Variants in LCP1 observed in about 807,000 individuals in gnomAD.
LCP1 encodes plastin-2.
Under a neutral mutation model 72.0 loss-of-function variants are expected in LCP1, and 23 were observed. That is an observed-to-expected ratio of 0.32 (90% CI 0.23 to 0.45). LCP1 has a LOEUF of 0.45. Ranked by LOEUF, LCP1 falls within the 20% of genes least tolerant of loss-of-function variation. The probability of loss-of-function intolerance (pLI) is 1.00; values close to 1 mark genes in which losing one functional copy is unlikely to be tolerated. For missense variants in LCP1, 571 were observed against 748.3 expected (o/e 0.76, Z 2.76); for synonymous variants, 245 against 275.4 (o/e 0.89, Z 1.09).
At chr13:46,157,859 G>C (rs181887487) in intron 4 of LCP1, among the ~76,000 whole-genome samples, 1 of 145,712 alleles carries the variant, frequency 6.9e-6, no homozygotes, top group East Asian at 2.1e-4. Context: ...CGATTCTCCT[G>C]TCTCAGCTTC....
At chr13:46,145,255 T>C (rs548942273) in intron 10 of LCP1, among the ~76,000 whole-genome samples, 1 of 152,156 alleles carries the variant, frequency 6.6e-6, no homozygotes, top group African/African-American at 2.4e-5. Flanking sequence ...GGCAGAGATA[T>C]AATAAAATCA....
chr13:46,143,293 C>A lies in LCP1; in HGVS notation c.1365G>T (p.Lys455Asn). The change falls in exon 12 of 16, where the codon AAG becomes AAT. Residue 455 changes from lysine to asparagine, a missense_variant. By Grantham distance (94) the Lys-to-Asn change is moderately conservative. Coordinates refer to ENST00000323076, the MANE Select transcript of LCP1 (RefSeq NM_002298.5). ...CAACAGAACCATCATTGTTTACCTT[C>A]TTCATATTGCCTCCCAGTTTGGGGT... Reference protein sequence around the residue: ...PPYPKLGGNMKKLENCNYAVE... With the variant: ...PPYPKLGGNMNKLENCNYAVE... The A allele has an allele frequency of 6.2e-7, 1 of 1,607,334 alleles. No individual in the cohort carries two copies. The highest frequency in any genetic ancestry group is 8.5e-7 in the Non-Finnish European group (1 of 1,173,888).
At chr13:46,142,254 T>C (rs770703249) in intron 13 of LCP1, 38 bp downstream of exon 13, 1 of 1,592,956 alleles carries the variant, frequency 6.3e-7, no homozygotes, top group Admixed American at 1.7e-5. Context: ...AAGTAAATAA[T>C]GTATTCAAGA....
chr13:46,179,008 G>A (rs2045944708), intron 1 of LCP1, among the ~76,000 whole-genome samples: 1 of 152,306 alleles, frequency 6.6e-6, no homozygotes, highest in South Asian at 2.1e-4. Flanking sequence ...ATAATCCAAA[G>A]TGACTAAGTA....
At chr13:46,165,460 G>C (rs898099897) in intron 1 of LCP1, among the ~76,000 whole-genome samples, 1 of 152,084 alleles carries the variant, frequency 6.6e-6, no homozygotes, top group Admixed American at 6.5e-5. Context: ...AGATTAATAA[G>C]TAATATAAGT....
intron 8 of LCP1, among the ~76,000 whole-genome samples, chr13:46,150,594 C>A (rs1248531044): frequency 2.6e-5 from 4 of 152,192 alleles, no homozygotes; most frequent in Non-Finnish European, 1.5e-5. Flanking sequence ...CCATCTGCTG[C>A]TCCCATTTAT....
intron 6 of LCP1, 60 bp downstream of exon 6, chr13:46,154,745 G>A: frequency 1.4e-6 from 2 of 1,414,076 alleles, no homozygotes; most frequent in Non-Finnish European, 1.0e-6. Context: ...GGACTCAGCA[G>A]TTATGATGCT....
intron 11 of LCP1, 145 bp from the exon 12 acceptor site, chr13:46,143,549 G>A: frequency 3.4e-6 from 2 of 582,060 alleles, no homozygotes; most frequent in Non-Finnish European, 6.1e-6. Flanking sequence ...ATCTATAGAG[G>A]TGAAGAAACC....
At position 46,137,224 on chromosome 13, in the gene LCP1, A is replaced by AC. The variant is rs1555314342; in HGVS notation, c.1503-2975dup. The stretch of plus-strand genomic sequence containing the variant: ...AGTAAAACGATAAAAAAAAAAAAAA[A>AC]CACAAAGAGAAGAAAGAATAGAATT... On this transcript the variant is annotated intron_variant, in intron 13 of 15. Transcript: ENST00000323076. Among the ~76,000 whole-genome samples, 1,182 of 148,502 alleles carry AC rather than the reference A, an allele frequency of 8.0e-3. 13 individuals are homozygous for AC. The highest frequency in any genetic ancestry group is 0.028 in the African/African-American group (1,123 of 40,134).
At chr13:46,162,464 T>C (rs1185584799) in intron 1 of LCP1, among the ~76,000 whole-genome samples, 1 of 151,836 alleles carries the variant, frequency 6.6e-6, no homozygotes, top group East Asian at 1.9e-4. Flanking sequence ...CAGGCCTGAC[T>C]CGTTTTCGTA....
At chr13:46,135,836 GCTCA>G (rs908228073) in intron 13 of LCP1, among the ~76,000 whole-genome samples, 1 of 150,780 alleles carries the variant, frequency 6.6e-6, no homozygotes, top group Non-Finnish European at 1.5e-5. Context: ...TATGGTCATG[GCTCA>G]CTGCGCCCCC....
intron 15 of LCP1, among the ~76,000 whole-genome samples, chr13:46,128,586 A>T (rs2045615420): frequency 6.6e-6 from 1 of 151,984 alleles, no homozygotes; most frequent in African/African-American, 2.4e-5. Context: ...CAACAAAGTG[A>T]GACTCCGTCT....
intron 13 of LCP1, among the ~76,000 whole-genome samples, chr13:46,141,508 T>A (rs1430146959): frequency 6.7e-6 from 1 of 150,226 alleles, no homozygotes; most frequent in Middle Eastern, 3.4e-3. Flanking sequence ...AAAGAAATAC[T>A]ACATATGAGG....
chr13:46,176,867 GTGTT>G (rs1262751988), intron 1 of LCP1, among the ~76,000 whole-genome samples: 37 of 144,560 alleles, frequency 2.6e-4, no homozygotes, highest in African/African-American at 8.6e-4. Context: ...CCGTGTATGT[GTGTT>G]TATTTGTGTG....
intron 4 of LCP1, among the ~76,000 whole-genome samples, chr13:46,158,024 G>A (rs1593956877): frequency 6.6e-6 from 1 of 152,262 alleles, no homozygotes; most frequent in Admixed American, 6.5e-5. Context: ...ACTGTGCCCG[G>A]CCTCATGAGT....
chr13:46,155,124 C>T (rs2296119), intron 5 of LCP1, among the ~76,000 whole-genome samples: 43,302 of 152,048 alleles, frequency 0.28, 8,410 homozygotes, highest in African/African-American at 0.55. Flanking sequence ...CTTCATTCTC[C>T]CACCTAAACA....
At chr13:46,143,262 C>G in intron 12 of LCP1, 28 bp downstream of exon 12, 1 of 1,530,522 alleles carries the variant, frequency 6.5e-7, no homozygotes, top group Admixed American at 1.7e-5. Context: ...TGCCTGTCTC[C>G]TGGAACAACA....
At chr13:46,134,941 C>G (rs577319466) in intron 13 of LCP1, among the ~76,000 whole-genome samples, 1 of 151,794 alleles carries the variant, frequency 6.6e-6, no homozygotes, top group African/African-American at 2.4e-5. Flanking sequence ...CGGTCTCTAC[C>G]AAAAACACAC....
At chr13:46,172,928 A>T (rs1411449488) in intron 1 of LCP1, among the ~76,000 whole-genome samples, 1 of 152,208 alleles carries the variant, frequency 6.6e-6, no homozygotes, top group Non-Finnish European at 1.5e-5. Context: ...GTCCAAAAAG[A>T]GAAGTAAGTG....
Sources: gnomAD v4.1 joint callset for allele counts (sites outside exome capture counted in the v4.1 genomes callset) on GRCh38, gnomAD v4.1.1 for gene constraint, MANE v1.5 for transcripts, NCBI Gene and HGNC (gene_info 2026-07-23, HGNC 2026-07-21) for gene names.